PCSK5: variants seen among roughly 807,000 people sequenced by gnomAD.
PCSK5 encodes the protein prohormone convertase 5.
PCSK5 carries 129 observed loss-of-function variants against 233.2 expected under a neutral mutation model. The observed-to-expected ratio is 0.55, with a 90% CI of 0.48 to 0.64. The LOEUF is 0.64. Among genes scored for constraint, PCSK5 ranks in the 30% least tolerant of loss-of-function variants. The pLI, the probability that PCSK5 is intolerant of heterozygous loss-of-function variation, is 0.00. For missense variants in PCSK5, 2,076 were observed against 2,430.1 expected (o/e 0.85, Z 3.06); for synonymous variants, 825 against 879.2 (o/e 0.94, Z 1.09).
At chr9:76,178,802 A>C (rs557516776) in intron 14 of PCSK5, among the ~76,000 whole-genome samples, 5 of 152,364 alleles carry the variant, frequency 3.3e-5, no homozygotes, top group African/African-American at 1.2e-4. Context: ...AAGAGAATTA[A>C]AAACTTCTAT....
chr9:76,173,749 G>A (rs1249296691), intron 13 of PCSK5, among the ~76,000 whole-genome samples: 2 of 151,690 alleles, frequency 1.3e-5, no homozygotes, highest in African/African-American at 2.4e-5. Context: ...AAGGCGGGTG[G>A]ATCACCTGAG....
chr9:76,239,497 C>A (rs1225046687), intron 23 of PCSK5, among the ~76,000 whole-genome samples: 1 of 151,870 alleles, frequency 6.6e-6, no homozygotes, highest in Non-Finnish European at 1.5e-5. Context: ...GAGTTCGAGA[C>A]CAGCCTGGGG....
Position 76,125,046 on chromosome 9 carries a change from C to G in PCSK5, c.1209-9063C>G, listed in dbSNP as rs7341906. On this transcript the variant is annotated intron_variant, in intron 9 of 37. Transcript: ENST00000674117. ...ACCACCACTTTTTCCTTTCCCTATA[C>G]TCTCCTCTTACATTTCTTTTTCCTT... 4.6e-3 allele frequency among the ~76,000 whole-genome samples: 706 copies of G among 152,100 alleles called. 4 individuals are homozygous for G. Among genetic ancestry groups the G allele is most frequent in the African/African-American group, 0.016 (667 of 41,492 alleles).
At chr9:75,964,186 G>A (rs1218597891) in intron 2 of PCSK5, among the ~76,000 whole-genome samples, 1 of 152,106 alleles carries the variant, frequency 6.6e-6, no homozygotes, top group African/African-American at 2.4e-5. Context: ...ATGCTCAATT[G>A]TGTATATGGG....
At chr9:76,241,003 C>T (rs1564129671) in intron 24 of PCSK5, among the ~76,000 whole-genome samples, 1 of 152,186 alleles carries the variant, frequency 6.6e-6, no homozygotes. Context: ...TGAGACTCAG[C>T]CTCTCCTTAG....
At chr9:76,332,377 A>T (rs1829561027) in intron 33 of PCSK5, 56 bp from the exon 34 acceptor site, 2 of 1,353,632 alleles carry the variant, frequency 1.5e-6, no homozygotes, top group South Asian at 2.5e-5. Flanking sequence ...GGGAAAATAC[A>T]GGGGAGACAT....
intron 3 of PCSK5, among the ~76,000 whole-genome samples, chr9:76,022,505 A>C (rs183568493): frequency 3.3e-5 from 5 of 152,162 alleles, no homozygotes; most frequent in East Asian, 3.9e-4. Context: ...TCGTGTTACT[A>C]TGGAATTATG....
chr9:76,254,847 C>T (rs998896240), intron 24 of PCSK5, among the ~76,000 whole-genome samples: 4 of 152,198 alleles, frequency 2.6e-5, no homozygotes, highest in African/African-American at 7.2e-5. Flanking sequence ...TCCTAAGCTG[C>T]TCACATGCAA....
At chr9:76,296,143 C>T (rs968211418) in intron 26 of PCSK5, among the ~76,000 whole-genome samples, 24 of 152,116 alleles carry the variant, frequency 1.6e-4, no homozygotes, top group African/African-American at 5.6e-4. Context: ...TGCAGTGGCG[C>T]AATCTCAGCT....
chr9:76,333,119 A>G (rs778002042), intron 34 of PCSK5, among the ~76,000 whole-genome samples: 4 of 152,230 alleles, frequency 2.6e-5, no homozygotes, highest in Admixed American at 6.5e-5. Context: ...TGGAGGCTGC[A>G]GTAAGCTATG....
intron 3 of PCSK5, among the ~76,000 whole-genome samples, chr9:76,003,851 C>G (rs1315095530): frequency 6.6e-6 from 1 of 152,106 alleles, no homozygotes; most frequent in Non-Finnish European, 1.5e-5. Flanking sequence ...CTCTGTCACC[C>G]AGGCTGGAGT....
intron 1 of PCSK5, among the ~76,000 whole-genome samples, chr9:75,924,897 C>G (rs1010168450): frequency 6.6e-6 from 1 of 152,120 alleles, no homozygotes; most frequent in East Asian, 1.9e-4. Flanking sequence ...AACTGTGTGG[C>G]CCCGGGCAGG....
chr9:76,164,966 G>C (rs550724020), intron 12 of PCSK5, among the ~76,000 whole-genome samples: 2 of 151,666 alleles, frequency 1.3e-5, no homozygotes, highest in East Asian at 3.9e-4. Context: ...TATCATTTTA[G>C]GTATTACAGA....
At chr9:76,040,984 T>C (rs1385485036) in intron 5 of PCSK5, among the ~76,000 whole-genome samples, 1 of 152,190 alleles carries the variant, frequency 6.6e-6, no homozygotes, top group Non-Finnish European at 1.5e-5. Context: ...CAGGATGTGA[T>C]TTGGAGACCA....
intron 2 of PCSK5, among the ~76,000 whole-genome samples, chr9:75,940,993 T>C (rs1212182953): frequency 1.3e-5 from 2 of 152,228 alleles, no homozygotes; most frequent in Non-Finnish European, 2.9e-5. Context: ...GCCATGCCTC[T>C]TCATTAATTG....
intron 17 of PCSK5, among the ~76,000 whole-genome samples, chr9:76,188,185 T>C (rs1824194674): frequency 1.3e-5 from 2 of 152,212 alleles, no homozygotes; most frequent in Non-Finnish European, 2.9e-5. Flanking sequence ...CTGTTGAATT[T>C]ATTATGTAGT....
Position 76,227,571 on chromosome 9 carries a change from A to G in PCSK5, c.2695A>G (p.Thr899Ala), listed in dbSNP as rs1825938051. 1.9e-6 allele frequency: 3 copies of G among 1,611,650 alleles called. No homozygotes were observed. In the Admixed American group the frequency reaches 5.0e-5, roughly 27 times the overall value. Residue 899 changes from threonine to alanine, a missense_variant, in exon 21 of 38, where the codon ACC becomes GCC. By Grantham distance (58) the Thr-to-Ala change is moderately conservative. Transcript: ENST00000674117. ...CTCATGTGCCAAGTGCCAGGGACCA[A>G]CCCAGGAAGACTGCACTACCTGCCC... Reference protein sequence around the residue: ...EASCAKCQGPTQEDCTTCPMT... With the variant: ...EASCAKCQGPAQEDCTTCPMT...
At chr9:75,987,129 T>TCCATAGCATTC (rs1333918211) in intron 3 of PCSK5, among the ~76,000 whole-genome samples, 4 of 152,182 alleles carry the variant, frequency 2.6e-5, no homozygotes, top group African/African-American at 9.7e-5. Context: ...AGAACATGAA[T>TCCATAGCATTC]CCATAGCATT....
intron 30 of PCSK5, among the ~76,000 whole-genome samples, chr9:76,320,427 T>G (rs1829158072): frequency 1.0e-5 from 1 of 98,146 alleles, no homozygotes; most frequent in Non-Finnish European, 2.0e-5. Context: ...AGACTCTGTC[T>G]CAAAAAAAAA....
Sources: allele counts gnomAD v4.1 joint callset (sites outside exome capture counted in the v4.1 genomes callset), GRCh38; gene constraint gnomAD v4.1.1; transcripts MANE v1.5; gene names NCBI Gene and HGNC (gene_info 2026-07-23, HGNC 2026-07-21).